Variants in PTPN13 observed in about 807,000 individuals in gnomAD.
PTPN13 encodes protein tyrosine phosphatase non-receptor type 13.
A neutral mutation model predicts 284.0 loss-of-function variants in PTPN13; 191 were observed. That is an observed-to-expected ratio of 0.67 (90% CI 0.60 to 0.76). PTPN13 has a LOEUF of 0.76. PTPN13 is among the 30% of genes least tolerant of loss of function. The pLI, the probability that PTPN13 is intolerant of heterozygous loss-of-function variation, is 0.00. For synonymous variants in PTPN13, 986 were observed against 1,022.3 expected (o/e 0.96, Z 0.68); for missense variants, 2,797 against 2,939.9 (o/e 0.95, Z 1.12).
chr4:86,660,090 A>G (rs1726305548), intron 2 of PTPN13, among the ~76,000 whole-genome samples: 1 of 152,242 alleles, frequency 6.6e-6, no homozygotes. Flanking sequence ...AATCTAAGCA[A>G]TCAATGGCTG....
chr4:86,649,422 G>C (rs767744966), intron 2 of PTPN13, among the ~76,000 whole-genome samples: 1 of 152,100 alleles, frequency 6.6e-6, no homozygotes, highest in East Asian at 1.9e-4. Flanking sequence ...AGAGATAGGG[G>C]TCTATCTTCA....
intron 40 of PTPN13, among the ~76,000 whole-genome samples, chr4:86,792,659 T>G (rs1742823885): frequency 6.6e-6 from 1 of 152,134 alleles, no homozygotes; most frequent in Non-Finnish European, 1.5e-5. Flanking sequence ...AACAGCGATC[T>G]CTCAGCAGAA....
intron 20 of PTPN13, among the ~76,000 whole-genome samples, chr4:86,755,945 C>T (rs950035718): frequency 1.3e-5 from 2 of 151,740 alleles, no homozygotes; most frequent in Admixed American, 1.3e-4. Context: ...CCATTAGTCT[C>T]CTCAAGCCAT....
intron 2 of PTPN13, among the ~76,000 whole-genome samples, chr4:86,656,270 T>C (rs1181303454): frequency 6.6e-6 from 1 of 152,228 alleles, no homozygotes; most frequent in East Asian, 1.9e-4. Context: ...TCCAGCTTTG[T>C]TGCGTTTCTG....
At chr4:86,721,716 TC>T (rs1237725079) in intron 9 of PTPN13, among the ~76,000 whole-genome samples, 6 of 35,850 alleles carry the variant, frequency 1.7e-4, no homozygotes, top group Non-Finnish European at 2.2e-4. Flanking sequence ...CCCCTCTCCC[TC>T]CCCCTCCCCT....
chr4:86,714,504 A>C (rs1732787271), intron 7 of PTPN13, among the ~76,000 whole-genome samples: 1 of 151,950 alleles, frequency 6.6e-6, no homozygotes, highest in Non-Finnish European at 1.5e-5. Context: ...CTTATTATCC[A>C]CCACCTGAAA....
At chr4:86,729,713 C>T (rs557937644) in intron 10 of PTPN13, among the ~76,000 whole-genome samples, 2 of 149,758 alleles carry the variant, frequency 1.3e-5, no homozygotes, top group East Asian at 1.9e-4. Context: ...GTCTTCTCTA[C>T]ACTGTTTATT....
At chr4:86,788,759 A>T (rs913581108) in intron 40 of PTPN13, among the ~76,000 whole-genome samples, 1 of 152,226 alleles carries the variant, frequency 6.6e-6, no homozygotes, top group Non-Finnish European at 1.5e-5. Context: ...TAGGGTAAGA[A>T]GAGGTGTTAG....
At chr4:86,725,148 C>T (rs1474505275) in intron 10 of PTPN13, among the ~76,000 whole-genome samples, 1 of 151,882 alleles carries the variant, frequency 6.6e-6, no homozygotes, top group East Asian at 1.9e-4. Flanking sequence ...GACATGAACT[C>T]ATCCTGTTTT....
At chr4:86,697,185 A>C (rs1214879982) in intron 6 of PTPN13, among the ~76,000 whole-genome samples, 1 of 152,118 alleles carries the variant, frequency 6.6e-6, no homozygotes, top group Non-Finnish European at 1.5e-5. Flanking sequence ...GGTCAATTGC[A>C]GCAAAGCAAC....
chr4:86,747,873 A>G (rs2149196214), intron 17 of PTPN13, among the ~76,000 whole-genome samples: 1 of 152,322 alleles, frequency 6.6e-6, no homozygotes, highest in African/African-American at 2.4e-5. Flanking sequence ...TAACAAATGT[A>G]TGCTGCTTCT....
chr4:86,783,963 G>A (rs562860723), intron 37 of PTPN13, among the ~76,000 whole-genome samples: 2 of 151,878 alleles, frequency 1.3e-5, no homozygotes, highest in East Asian at 3.9e-4. Flanking sequence ...ATACCTAATA[G>A]ATTATCAGGT....
intron 45 of PTPN13, 32 bp downstream of exon 45, chr4:86,807,929 G>A: frequency 6.4e-7 from 1 of 1,557,682 alleles, no homozygotes; most frequent in Non-Finnish European, 8.8e-7. Flanking sequence ...CTGTTGGAAG[G>A]TGTATCTCCT....
chr4:86,666,650 G>A (rs72503719), intron 2 of PTPN13, among the ~76,000 whole-genome samples: 1 of 152,228 alleles, frequency 6.6e-6, no homozygotes, highest in East Asian at 1.9e-4. Context: ...AGAGACTCCC[G>A]AATTGGAATT....
At chr4:86,790,554 C>A (rs562886558) in intron 40 of PTPN13, among the ~76,000 whole-genome samples, 5 of 152,164 alleles carry the variant, frequency 3.3e-5, no homozygotes, top group South Asian at 2.1e-4. Flanking sequence ...CACACACACA[C>A]AAAAAGAATA....
chr4:86,689,958 C>A, intron 5 of PTPN13: 1 of 428,064 alleles, frequency 2.3e-6, no homozygotes, highest in South Asian at 6.4e-5. Flanking sequence ...ACACAGTGTT[C>A]TTGTTGACTT....
At position 86,632,687 on chromosome 4, in the gene PTPN13, G is replaced by A. The variant is rs534390007; in HGVS notation, c.-5-2565G>A. On this transcript the variant is annotated intron_variant, in intron 1 of 47. Coordinates refer to ENST00000411767, the MANE Select transcript of PTPN13 (RefSeq NM_080683.3). ...TCTCCTTTTCCCCTCCTCCCCCTGC[G>A]CCTCCTCCCTTCTTCCTTTTTCTTG... Among the ~76,000 whole-genome samples, 51 of 148,204 alleles carry A rather than the reference G, an allele frequency of 3.4e-4. 1 individual carries two copies. The highest frequency in any genetic ancestry group is 1.2e-3 in the African/African-American group (50 of 40,120).
At chr4:86,726,725 G>A (rs1204454843) in intron 10 of PTPN13, among the ~76,000 whole-genome samples, 1 of 149,136 alleles carries the variant, frequency 6.7e-6, no homozygotes, top group Non-Finnish European at 1.5e-5. Flanking sequence ...GAGACGATGG[G>A]GTTTTCTAAA....
At chr4:86,728,832 C>T (rs1734623404) in intron 10 of PTPN13, among the ~76,000 whole-genome samples, 1 of 146,714 alleles carries the variant, frequency 6.8e-6, no homozygotes, top group Non-Finnish European at 1.5e-5. Context: ...GGGCATTTAG[C>T]CCATTTACAT....
Sources: allele counts gnomAD v4.1 joint callset (sites outside exome capture counted in the v4.1 genomes callset), GRCh38; gene constraint gnomAD v4.1.1; transcripts MANE v1.5; gene names NCBI Gene and HGNC (gene_info 2026-07-23, HGNC 2026-07-21).